The following NKAIN2 variants were observed in gnomAD, a reference collection of about 807,000 sequenced individuals.
NKAIN2 encodes sodium/potassium transporting ATPase interacting 2.
A neutral mutation model predicts 32.6 loss-of-function variants in NKAIN2; 14 were observed. The observed-to-expected ratio is 0.43, with a 90% CI of 0.28 to 0.67. NKAIN2 has a LOEUF of 0.67. NKAIN2 is among the 30% of genes least tolerant of loss of function. The pLI, the probability that NKAIN2 is intolerant of heterozygous loss-of-function variation, is 0.17. For synonymous variants in NKAIN2, 80 were observed against 87.2 expected (o/e 0.92, Z 0.46); for missense variants, 198 against 258.3 (o/e 0.77, Z 1.60).
intron 1 of NKAIN2, among the ~76,000 whole-genome samples, chr6:123,920,302 G>C (rs1211684187): frequency 6.6e-6 from 1 of 151,970 alleles, no homozygotes; most frequent in Non-Finnish European, 1.5e-5. Flanking sequence ...GTTTCTAATT[G>C]GTACTTTATA....
intron 1 of NKAIN2, among the ~76,000 whole-genome samples, chr6:123,825,134 G>T (rs556319087): frequency 6.6e-6 from 1 of 152,052 alleles, no homozygotes; most frequent in Non-Finnish European, 1.5e-5. Context: ...GCTCCCCTGA[G>T]TCTTTTTTAA....
At chr6:124,219,949 TTTGTTTCATTTAGCA>T (rs1185859448) in intron 1 of NKAIN2, among the ~76,000 whole-genome samples, 1 of 152,226 alleles carries the variant, frequency 6.6e-6, no homozygotes, top group East Asian at 1.9e-4. Context: ...TATGCTATTC[TTTGTTTCATTTAGCA>T]TTGTTTCATA....
chr6:124,733,908 C>T (rs1166612645), intron 4 of NKAIN2, among the ~76,000 whole-genome samples: 2 of 151,674 alleles, frequency 1.3e-5, no homozygotes, highest in Admixed American at 6.6e-5. Context: ...AATGACACCT[C>T]AGTAGCAATG....
intron 2 of NKAIN2, among the ~76,000 whole-genome samples, chr6:124,323,091 T>G (rs1189316011): frequency 6.6e-6 from 1 of 152,234 alleles, no homozygotes; most frequent in Non-Finnish European, 1.5e-5. Context: ...TGAAATGTCT[T>G]CATAACTTTT....
chr6:123,836,034 C>G (rs1355415453), intron 1 of NKAIN2, among the ~76,000 whole-genome samples: 2 of 151,966 alleles, frequency 1.3e-5, no homozygotes, highest in Non-Finnish European at 2.9e-5. Flanking sequence ...AATAAAAATA[C>G]TATGATACAA....
intron 3 of NKAIN2, among the ~76,000 whole-genome samples, chr6:124,584,898 G>A (rs555790788): frequency 6.6e-6 from 1 of 152,096 alleles, no homozygotes; most frequent in Non-Finnish European, 1.5e-5. Flanking sequence ...CAGTTTGGAA[G>A]TTCCTCAAAA....
At chr6:124,762,337 A>T (rs564982224) in intron 4 of NKAIN2, among the ~76,000 whole-genome samples, 1 of 151,550 alleles carries the variant, frequency 6.6e-6, no homozygotes, top group South Asian at 2.1e-4. Flanking sequence ...TTGGATTAGG[A>T]CCCCCTCCCT....
At chr6:123,846,861 CAT>C (rs1775115433) in intron 1 of NKAIN2, among the ~76,000 whole-genome samples, 1 of 151,750 alleles carries the variant, frequency 6.6e-6, no homozygotes, top group African/African-American at 2.4e-5. Context: ...CACACACACA[CAT>C]AACACATGTC....
At chr6:124,440,933 AG>A (rs910189519) in intron 3 of NKAIN2, among the ~76,000 whole-genome samples, 7 of 152,094 alleles carry the variant, frequency 4.6e-5, no homozygotes, top group African/African-American at 1.7e-4. Context: ...TTGACTCCAT[AG>A]TTTCTAGACA....
chr6:124,624,907 TA>T (rs140500749), intron 3 of NKAIN2, among the ~76,000 whole-genome samples: 20,347 of 149,444 alleles, frequency 0.14, 1,442 homozygotes, highest in South Asian at 0.22. Flanking sequence ...CTGGTTCTTT[TA>T]AATAGACTAA....
At chr6:124,729,327 G>A (rs1354543024) in intron 4 of NKAIN2, among the ~76,000 whole-genome samples, 83 of 144,656 alleles carry the variant, frequency 5.7e-4, no homozygotes, top group East Asian at 2.7e-3. Flanking sequence ...CTGGCAAACC[G>A]AATCCAGCAG....
intron 4 of NKAIN2, among the ~76,000 whole-genome samples, chr6:124,743,036 G>C (rs952395053): frequency 2.0e-5 from 3 of 151,924 alleles, no homozygotes; most frequent in African/African-American, 7.2e-5. Flanking sequence ...GCATCTGGCA[G>C]TGTGTCCAGC....
intron 1 of NKAIN2, among the ~76,000 whole-genome samples, chr6:124,181,259 C>A (rs866525438): frequency 5.3e-5 from 8 of 151,128 alleles, no homozygotes; most frequent in Middle Eastern, 3.4e-3. Flanking sequence ...AGCAGCAAGG[C>A]CCTGGGTGTG....
intron 1 of NKAIN2, among the ~76,000 whole-genome samples, chr6:124,112,919 A>G (rs1353200104): frequency 6.6e-6 from 1 of 151,306 alleles, no homozygotes; most frequent in Non-Finnish European, 1.5e-5. Context: ...AGTACTTTGT[A>G]ATATTTTCTC....
chr6:123,959,443 C>A (rs898715971), intron 1 of NKAIN2, among the ~76,000 whole-genome samples: 5 of 152,150 alleles, frequency 3.3e-5, no homozygotes, highest in Non-Finnish European at 7.4e-5. Context: ...TTAACACTGG[C>A]AACCACTGTA....
chr6:124,355,876 G>C (rs1479007844), intron 3 of NKAIN2, among the ~76,000 whole-genome samples: 4 of 151,858 alleles, frequency 2.6e-5, no homozygotes, highest in Non-Finnish European at 5.9e-5. Flanking sequence ...TAGTTTTTTT[G>C]TGCTCTGTAT....
intron 3 of NKAIN2, among the ~76,000 whole-genome samples, chr6:124,405,188 T>G (rs1393558148): frequency 6.6e-6 from 1 of 152,222 alleles, no homozygotes; most frequent in African/African-American, 2.4e-5. Context: ...TTTTCATGAT[T>G]TACTGGGTAC....
In NKAIN2 at chr6:124,205,965, T is replaced by C. The variant is rs1383992224; in HGVS notation, c.55-77040T>C. On this transcript the variant is annotated intron_variant, in intron 1 of 6. Coordinates refer to ENST00000368417, the MANE Select transcript of NKAIN2 (RefSeq NM_001040214.3). ...GCATTCTACAAAGAACACAAATATG[T>C]GAGCAAGAGCAAAATATTCACTCAT... is the stretch of plus-strand genomic sequence containing the variant. Among the ~76,000 whole-genome samples, 18 of 152,000 alleles carry C rather than the reference T, an allele frequency of 1.2e-4. No homozygotes were observed. The East Asian group carries it at 3.1e-3, about 26-fold the overall frequency.
At chr6:124,431,358 C>T (rs187860516) in intron 3 of NKAIN2, among the ~76,000 whole-genome samples, 1 of 152,216 alleles carries the variant, frequency 6.6e-6, no homozygotes. Context: ...TATCACTCCA[C>T]TGCAAATCAA....
Sources: allele counts gnomAD v4.1 joint callset (sites outside exome capture counted in the v4.1 genomes callset), GRCh38; gene constraint gnomAD v4.1.1; transcripts MANE v1.5; gene names NCBI Gene and HGNC (gene_info 2026-07-23, HGNC 2026-07-21).